The following ITGA7 variants were observed in gnomAD, a reference collection of about 807,000 sequenced individuals.
The protein encoded by ITGA7 is integrin subunit alpha 7, also known as integrin alpha-7.
ITGA7 carries 84 observed loss-of-function variants against 131.6 expected under a neutral mutation model. That is an observed-to-expected ratio of 0.64 (90% CI 0.54 to 0.77). The LOEUF (loss-of-function observed/expected upper bound fraction) is 0.77. ITGA7 is among the 30% of genes least tolerant of loss of function. The probability of loss-of-function intolerance (pLI) is 0.00; values close to 1 mark genes in which losing one functional copy is unlikely to be tolerated. For synonymous variants in ITGA7, 548 were observed against 600.7 expected (o/e 0.91, Z 1.28); for missense variants, 1,399 against 1,482.9 (o/e 0.94, Z 0.93).
intron 24 of ITGA7, 90 bp downstream of exon 24, chr12:55,687,881 A>T: frequency 6.5e-7 from 1 of 1,549,818 alleles, no homozygotes; most frequent in Non-Finnish European, 8.9e-7. Flanking sequence ...TGAATACATG[A>T]GTGTGTGGGT....
chr12:55,694,021 C>T lies in ITGA7; in HGVS notation c.2535G>A (p.Thr845=), dbSNP rs778915805. The change falls in exon 19 of 25, where the codon ACG becomes ACA. Residue 845 remains threonine (T), a splice_region_variant and synonymous_variant. Transcript: ENST00000257879. The surrounding 1 kb of genome is among the most constrained non-coding windows in gnomAD (Gnocchi z 5.3). ...GAGGGGCCTCATCCCTGACACTTAC[C>T]GTGACCTCATACTTGACCTTGCTGC... ...DVGSKVKYEV[T]VSNQGQSLRT... 6.2e-7 allele frequency: 1 copy of T among 1,612,162 alleles called. No individual in the cohort carries two copies. The highest frequency in any genetic ancestry group is 1.1e-5 in the South Asian group (1 of 90,834).
intron 14 of ITGA7, 193 bp downstream of exon 14, chr12:55,695,329 C>T (rs1372419656): frequency 9.9e-6 from 6 of 608,728 alleles, no homozygotes; most frequent in Non-Finnish European, 1.8e-5. Flanking sequence ...ATTGCTATTC[C>T]TTGCCATGGG....
chr12:55,695,302 T>C (rs1872400901), intron 14 of ITGA7: 2 of 601,362 alleles, frequency 3.3e-6, no homozygotes, highest in Non-Finnish European at 5.9e-6. Context: ...CTGCATATTA[T>C]TAGTGTACTG....
In ITGA7 at chr12:55,697,931, C is replaced by T; in HGVS notation, c.1281+7G>A. 3 of 1,614,130 alleles carry T rather than the reference C, an allele frequency of 1.9e-6. No homozygotes were observed. The highest frequency in any genetic ancestry group is 2.5e-6 in the Non-Finnish European group (3 of 1,180,016). ...ACCCATTCCCTCATCCCAGCGACTC[C>T]CCTCACCTGTGAAGGTTTGGCGACA... On this transcript the variant is annotated splice_region_variant and intron_variant, in intron 8 of 24. Transcript: ENST00000257879.
Position 55,694,595 on chromosome 12 carries a change from A to G in ITGA7, c.2277+20T>C. 2 of 1,613,670 alleles carry G rather than the reference A, an allele frequency of 1.2e-6. No individual in the cohort carries two copies. Among genetic ancestry groups the G allele is most frequent in the Non-Finnish European group, 1.7e-6 (2 of 1,179,598 alleles). On this transcript the variant is annotated intron_variant, in intron 16 of 24. Coordinates refer to ENST00000257879, the MANE Select transcript of ITGA7 (RefSeq NM_002206.3). This position sits in a 1 kb window ranked among gnomAD's most constrained non-coding sequence, Gnocchi z 5.3. ...TTATGGAGAGGCTACTCACGTAGGG[A>G]TAAGGGCAGATGTGCCAACCTGGGC...
chr12:55,692,512 A>G (rs1452096904), intron 21 of ITGA7, among the ~76,000 whole-genome samples: 1 of 152,258 alleles, frequency 6.6e-6, no homozygotes, highest in Non-Finnish European at 1.5e-5. Context: ...AGTTCAAAAG[A>G]ACGACAAACA....
At chr12:55,712,553 G>A (rs1029182811), upstream of ITGA7, 14 of 523,030 alleles carry the variant, frequency 2.7e-5, no homozygotes, top group Middle Eastern at 4.9e-4. Flanking sequence ...AGAAAGGAGT[G>A]TGGAGTTGCA....
chr12:55,716,080 C>A, upstream of ITGA7: 1 of 1,577,270 alleles, frequency 6.3e-7, no homozygotes, highest in Non-Finnish European at 8.6e-7. Flanking sequence ...GGTGAGCGTT[C>A]CAGCTTCCGG....
chr12:55,704,474 T>A (rs1874770841), intron 1 of ITGA7, among the ~76,000 whole-genome samples: 1 of 152,196 alleles, frequency 6.6e-6, no homozygotes, highest in African/African-American at 2.4e-5. Flanking sequence ...CCAAGCCCTG[T>A]GTCAGGCGCT....
intron 3 of ITGA7, among the ~76,000 whole-genome samples, chr12:55,702,001 T>C (rs556245150): frequency 1.3e-5 from 2 of 152,230 alleles, no homozygotes; most frequent in South Asian, 2.1e-4. Flanking sequence ...CAGAGAGCTC[T>C]GGTTTTTTCG....
chr12:55,697,804 C>T lies in ITGA7; in HGVS notation c.1300G>A (p.Val434Met), dbSNP rs747061828. 7 of 1,614,184 alleles carry T rather than the reference C, an allele frequency of 4.3e-6. No homozygotes were observed. The Admixed American group carries it at 1.2e-4, about 27-fold the overall frequency. The change falls in exon 9 of 25, where the codon GTG becomes ATG. Residue 434 changes from valine to methionine, a missense_variant. Coordinates refer to ENST00000257879, the MANE Select transcript of ITGA7 (RefSeq NM_002206.3). ...KPSQVLEGEAVGIKSFGYSLS... is the reference protein window; with the variant it reads ...KPSQVLEGEAMGIKSFGYSLS... ...GAGTAGCCGAAGCTCTTGATGCCCACAGCCTCGCCCTCCAGCACCTAGAGA... is the reference window on the plus strand; with the variant it reads ...GAGTAGCCGAAGCTCTTGATGCCCATAGCCTCGCCCTCCAGCACCTAGAGA...
chr12:55,686,260 G>T, intron 24 of ITGA7: 1 of 1,348,316 alleles, frequency 7.4e-7, no homozygotes. Flanking sequence ...AGACAGGCCC[G>T]GTGATAGTTG....
At chr12:55,696,516 T>C (rs1872661527) in intron 12 of ITGA7, 84 bp from the exon 13 acceptor site, 4 of 1,434,722 alleles carry the variant, frequency 2.8e-6, no homozygotes, top group Non-Finnish European at 2.9e-6. Context: ...CTAGGACCAA[T>C]TCTAAAACTT....
At position 55,699,883 on chromosome 12, in the gene ITGA7, G is replaced by A. The variant is rs200591528; in HGVS notation, c.777C>T (p.Leu259=). The A allele has an allele frequency of 7.4e-5, 119 of 1,609,110 alleles. No homozygotes were observed. In the East Asian group the frequency reaches 2.6e-3, roughly 36 times the overall value. Reference sequence around the variant, plus strand: ...GAGCTTACAAACCTAAGTAGCTATTGAGGGCCAAGTCTCCGGCTGGTCCTG... The same window carrying A: ...GAGCTTACAAACCTAAGTAGCTATTAAGGGCCAAGTCTCCGGCTGGTCCTG... ...RLPGPAGDLA[L]NSYLGFSIDS... The change falls in exon 5 of 25, where the codon CTC becomes CTT. Residue 259 remains leucine, a synonymous_variant. Transcript: ENST00000257879.
chr12:55,686,276 A>T (rs758753409), intron 24 of ITGA7: 1 of 1,342,634 alleles, frequency 7.4e-7, no homozygotes, highest in Admixed American at 1.9e-5. Context: ...AGTTGGTGGG[A>T]AAAGATGAGC....
rs760395974 is a variant in ITGA7 at position 55,703,169 on chromosome 12, C to G, written c.216G>C (p.Val72=). The G allele has an allele frequency of 1.9e-6, 3 of 1,610,294 alleles. No homozygotes were observed. The South Asian group carries it at 3.3e-5, about 18-fold the overall frequency. Residue 72 remains valine, a synonymous_variant, in exon 2 of 25, where the codon GTG becomes GTC. Transcript: ENST00000257879. ...LQPRPQSWLL[V]GAPQALALPG... ...GAAGAGCCAGGGCCTGGGGAGCACCCACCAGCAGCCTGCAAGATGGGGCAG... is the reference window on the plus strand; with the variant it reads ...GAAGAGCCAGGGCCTGGGGAGCACCGACCAGCAGCCTGCAAGATGGGGCAG...
chr12:55,687,544 T>C (rs931384944), intron 24 of ITGA7, among the ~76,000 whole-genome samples: 15 of 127,352 alleles, frequency 1.2e-4, no homozygotes, highest in African/African-American at 4.3e-4. Context: ...CAGGCTGGAG[T>C]GCAATGGCGC....
chr12:55,707,061 C>T (rs1875347671), intron 1 of ITGA7, among the ~76,000 whole-genome samples: 1 of 152,354 alleles, frequency 6.6e-6, no homozygotes, highest in East Asian at 1.9e-4. Flanking sequence ...GCATCCCTCT[C>T]ATGGCACCCT....
upstream of ITGA7, among the ~76,000 whole-genome samples, chr12:55,712,579 G>A (rs1876214260): frequency 6.6e-6 from 1 of 152,156 alleles, no homozygotes; most frequent in African/African-American, 2.4e-5. Context: ...TCAGTCCAAG[G>A]GAAAATAATC....
Sources: allele counts gnomAD v4.1 joint callset (sites outside exome capture counted in the v4.1 genomes callset), GRCh38; gene constraint gnomAD v4.1.1; non-coding constraint Gnocchi (gnomAD v3.1); transcripts MANE v1.5; gene names NCBI Gene and HGNC (gene_info 2026-07-23, HGNC 2026-07-21).